Variants in TMEM132D observed in about 807,000 individuals in gnomAD.
TMEM132D encodes the protein mature OL transmembrane protein.
A neutral mutation model predicts 62.3 loss-of-function variants in TMEM132D; 21 were observed. The ratio of observed to expected loss-of-function variants is 0.34; its 90% CI spans 0.24 to 0.49. The LOEUF is 0.49. Among genes scored for constraint, TMEM132D ranks in the 20% least tolerant of loss-of-function variants. TMEM132D has a pLI of 0.99. For synonymous variants in TMEM132D, 621 were observed against 575.6 expected (o/e 1.08, Z -1.13); for missense variants, 1,346 against 1,402.8 (o/e 0.96, Z 0.65).
At chr12:129,615,643 A>T (rs1878893864) in intron 2 of TMEM132D, among the ~76,000 whole-genome samples, 1 of 150,640 alleles carries the variant, frequency 6.6e-6, no homozygotes, top group South Asian at 2.1e-4. Context: ...GTGGTGGTGT[A>T]TGCCTGTTGT....
chr12:129,484,258 G>A (rs1172029259), intron 3 of TMEM132D, among the ~76,000 whole-genome samples: 8 of 152,242 alleles, frequency 5.3e-5, no homozygotes, highest in Admixed American at 3.9e-4. Context: ...GTGAGTCACC[G>A]CAAGTCACCG....
chr12:129,411,978 T>C (rs1383127162), intron 3 of TMEM132D, among the ~76,000 whole-genome samples: 2 of 152,222 alleles, frequency 1.3e-5, no homozygotes, highest in Admixed American at 6.5e-5. Context: ...AATTACCAAA[T>C]GAAATTTTGA....
rs554347083 is a variant in TMEM132D at position 129,337,466 on chromosome 12, CACACACAT to C, written c.1299+160_1299+167del. Among the ~76,000 whole-genome samples the C allele has an allele frequency of 4.7e-3, 713 of 150,586 alleles. 5 individuals carry two copies. The highest frequency in any genetic ancestry group is 7.9e-3 in the Non-Finnish European group (539 of 67,944). On this transcript the variant is annotated intron_variant, in intron 4 of 8. Coordinates refer to ENST00000422113, the MANE Select transcript of TMEM132D (RefSeq NM_133448.3). ...GCACACACACACACACACACACACACACACACATAACGATTGGCTATTGGCAGTCAACT... is the reference window on the plus strand; with the variant it reads ...GCACACACACACACACACACACACACAACGATTGGCTATTGGCAGTCAACT...
rs750153939 is a variant in TMEM132D at position 129,074,241 on chromosome 12, G to C, written c.2934C>G (p.Ile978Met). 1 of 1,613,970 alleles carries C rather than the reference G, an allele frequency of 6.2e-7. No homozygotes were observed. Among genetic ancestry groups the C allele is most frequent in the East Asian group, 2.2e-5 (1 of 44,870 alleles). ...SNRTELLENH[I>M]NFASSQDEQI... The stretch of plus-strand genomic sequence containing the variant: ...GCTCATCTTGCGAGGAGGCAAAGTT[G>C]ATGTGATTCTCCAACAGCTCTGTCC... Residue 978 changes from isoleucine (I) to methionine (M), a missense_variant, in exon 9 of 9, where the codon ATC (isoleucine) becomes ATG (methionine). Transcript: ENST00000422113.
At chr12:129,659,848 A>T (rs933005546) in intron 2 of TMEM132D, among the ~76,000 whole-genome samples, 2 of 152,218 alleles carry the variant, frequency 1.3e-5, no homozygotes. Context: ...ACACTTTTCA[A>T]CTGAGAAACA....
At chr12:129,501,654 A>G (rs900886794) in intron 3 of TMEM132D, among the ~76,000 whole-genome samples, 6 of 151,888 alleles carry the variant, frequency 4.0e-5, no homozygotes, top group African/African-American at 1.5e-4. Flanking sequence ...ATAGATGCAC[A>G]CCATCACGCC....
chr12:129,186,474 G>A (rs1878225434), intron 5 of TMEM132D, among the ~76,000 whole-genome samples: 1 of 152,140 alleles, frequency 6.6e-6, no homozygotes, highest in Non-Finnish European at 1.5e-5. Flanking sequence ...CTCCCCACTT[G>A]ACCCTCTATA....
intron 3 of TMEM132D, among the ~76,000 whole-genome samples, chr12:129,461,870 C>T (rs1873688628): frequency 6.6e-6 from 1 of 151,992 alleles, no homozygotes; most frequent in South Asian, 2.1e-4. Context: ...ACACTGTTAC[C>T]AAATACGGAT....
At chr12:129,840,038 G>A (rs1593182429) in intron 1 of TMEM132D, 2 of 152,270 alleles carry the variant, frequency 1.3e-5, no homozygotes, top group African/African-American at 4.8e-5. Flanking sequence ...CCCTAAATAT[G>A]TGTATTATTA....
intron 1 of TMEM132D, among the ~76,000 whole-genome samples, chr12:129,737,567 CTA>C: frequency 6.6e-6 from 1 of 152,244 alleles, no homozygotes; most frequent in Non-Finnish European, 1.5e-5. Context: ...ACACCATTCC[CTA>C]TTGTCTCACC....
At position 129,800,640 on chromosome 12, in the gene TMEM132D, T is replaced by C. The variant is rs182392952; in HGVS notation, c.80-99942A>G. Among the ~76,000 whole-genome samples the C allele has an allele frequency of 8.5e-4, 130 of 152,260 alleles. 1 individual carries two copies. Among genetic ancestry groups the C allele is most frequent in the African/African-American group, 2.9e-3 (120 of 41,562 alleles). On this transcript the variant is annotated intron_variant, in intron 1 of 8. Transcript: ENST00000422113. ...AAACATCCCTCCCTCCGAGCACCTTTGCTCCCAAACGTCACTGCAGGATCA... is the reference window on the plus strand; with the variant it reads ...AAACATCCCTCCCTCCGAGCACCTTCGCTCCCAAACGTCACTGCAGGATCA...
At chr12:129,281,537 G>C (rs1327507482) in intron 4 of TMEM132D, among the ~76,000 whole-genome samples, 1 of 152,036 alleles carries the variant, frequency 6.6e-6, no homozygotes, top group Non-Finnish European at 1.5e-5. Flanking sequence ...TCTGTTGATG[G>C]AGAGGCATTT....
chr12:129,400,979 G>C (rs1471212840), intron 3 of TMEM132D, among the ~76,000 whole-genome samples: 1 of 152,144 alleles, frequency 6.6e-6, no homozygotes, highest in Non-Finnish European at 1.5e-5. Flanking sequence ...GTGTCCATTT[G>C]TGGCCCTGGA....
Position 129,337,347 on chromosome 12 carries a change from C to T in TMEM132D, c.1299+287G>A, listed in dbSNP as rs11060256. On this transcript the variant is annotated intron_variant, in intron 4 of 8. Coordinates refer to ENST00000422113, the MANE Select transcript of TMEM132D (RefSeq NM_133448.3). Reference sequence around the variant, plus strand: ...GTCGTCAACAATTTTCACACAATAGCAGACCCAAATCTAATACCTGGAGTT... The same window carrying T: ...GTCGTCAACAATTTTCACACAATAGTAGACCCAAATCTAATACCTGGAGTT... Among the ~76,000 whole-genome samples, 255 of 152,176 alleles carry T rather than the reference C, an allele frequency of 1.7e-3. 1 individual carries two copies. The highest frequency in any genetic ancestry group is 3.0e-3 in the Non-Finnish European group (205 of 68,014).
intron 2 of TMEM132D, among the ~76,000 whole-genome samples, chr12:129,617,673 G>A (rs773189935): frequency 3.2e-4 from 48 of 152,040 alleles, no homozygotes; most frequent in Non-Finnish European, 4.6e-4. Context: ...TGCTGTCAAC[G>A]GTGCCTCACA....
chr12:129,141,228 G>T (rs1876733252), intron 5 of TMEM132D, among the ~76,000 whole-genome samples: 1 of 152,176 alleles, frequency 6.6e-6, no homozygotes, highest in Non-Finnish European at 1.5e-5. Flanking sequence ...GGTCAGCCTG[G>T]TCAGATGGGA....
intron 1 of TMEM132D, among the ~76,000 whole-genome samples, chr12:129,707,891 C>T (rs1250231038): frequency 1.3e-5 from 2 of 152,102 alleles, no homozygotes; most frequent in African/African-American, 4.8e-5. Flanking sequence ...AAAATAAACA[C>T]CTGTCATATA....
At chr12:129,374,313 T>C (rs990515140) in intron 3 of TMEM132D, among the ~76,000 whole-genome samples, 1 of 117,780 alleles carries the variant, frequency 8.5e-6, no homozygotes, top group Non-Finnish European at 1.8e-5. Context: ...CTTCTAGTAA[T>C]GATTCTAATC....
At chr12:129,293,057 G>A (rs909060421) in intron 4 of TMEM132D, among the ~76,000 whole-genome samples, 15 of 152,202 alleles carry the variant, frequency 9.9e-5, no homozygotes, top group Non-Finnish European at 2.1e-4. Context: ...TCCCAGGGAT[G>A]TGGAGGGTAT....
Sources: allele counts gnomAD v4.1 joint callset (sites outside exome capture counted in the v4.1 genomes callset), GRCh38; gene constraint gnomAD v4.1.1; transcripts MANE v1.5; gene names NCBI Gene and HGNC (gene_info 2026-07-23, HGNC 2026-07-21).